The following CACNA1H variants were observed in gnomAD, a reference collection of about 807,000 sequenced individuals.
CACNA1H encodes voltage-dependent T-type calcium channel subunit alpha-1H.
CACNA1H carries 149 observed loss-of-function variants against 192.5 expected under a neutral mutation model. The ratio of observed to expected loss-of-function variants is 0.77; its 90% CI spans 0.68 to 0.89. The LOEUF (loss-of-function observed/expected upper bound fraction) is 0.89. Among genes scored for constraint, CACNA1H ranks in the 40% least tolerant of loss-of-function variants. CACNA1H has a pLI of 0.00. For missense variants in CACNA1H, 4,257 were observed against 3,423.5 expected, an observed-to-expected ratio of 1.24 and a Z score of -6.08; for synonymous variants, 2,202 against 1,475.2, an observed-to-expected ratio of 1.49 and a Z score of -11.29.
At chr16:1,165,009 C>T (rs913409301) in intron 2 of CACNA1H, among the ~76,000 whole-genome samples, 5 of 152,046 alleles carry the variant, frequency 3.3e-5, no homozygotes, top group African/African-American at 7.2e-5. Context: ...GATTTGTCTC[C>T]GTGGGGTTCT....
At chr16:1,178,650 A>C (rs1469107640) in intron 2 of CACNA1H, among the ~76,000 whole-genome samples, 1 of 152,170 alleles carries the variant, frequency 6.6e-6, no homozygotes, top group Non-Finnish European at 1.5e-5. Flanking sequence ...GCCATCCAGC[A>C]GACCAGCATC....
At chr16:1,183,748 G>A (rs74004856) in intron 2 of CACNA1H, among the ~76,000 whole-genome samples, 3,508 of 152,354 alleles carry the variant, frequency 0.023, 168 homozygotes, top group African/African-American at 0.08. Flanking sequence ...TGGGGGGAGC[G>A]TGCAAGAGCA....
chr16:1,200,194 C>G, intron 6 of CACNA1H, 62 bp from the exon 7 acceptor site: 2 of 1,386,618 alleles, frequency 1.4e-6, no homozygotes, highest in Non-Finnish European at 2.0e-6. Context: ...CAATCGTGCC[C>G]CCGACTCTGA....
At chr16:1,189,461 G>A (rs1966393113) in intron 2 of CACNA1H, among the ~76,000 whole-genome samples, 1 of 123,876 alleles carries the variant, frequency 8.1e-6, no homozygotes, top group Admixed American at 1.0e-4. Context: ...CCGTCACCCA[G>A]CCTGGAGTGC....
chr16:1,216,827 G>A (rs1160334729), intron 30 of CACNA1H, 105 bp from the exon 31 acceptor site: 3 of 898,562 alleles, frequency 3.3e-6, no homozygotes, highest in African/African-American at 1.7e-5. Context: ...CCTGGAAGAA[G>A]GTGGGCAGGT....
rs565477632 is a variant in CACNA1H, at chr16:1,211,151, C to G, written c.4224-17C>G. ...GCTGCCATAGATGACTGCAGTGTAT[C>G]CTTCACTCCCCTCCAGGGTCATCAG... On this transcript the variant is annotated splice_polypyrimidine_tract_variant and intron_variant, in intron 21 of 34. Transcript: ENST00000348261. 6.2e-6 allele frequency: 10 copies of G among 1,611,528 alleles called. No individual in the cohort carries two copies. The African/African-American group carries it at 8.0e-5, about 13-fold the overall frequency.
intron 7 of CACNA1H, 33 bp from the exon 8 acceptor site, chr16:1,200,683 G>T (rs201765670): frequency 1.3e-6 from 2 of 1,565,356 alleles, no homozygotes; most frequent in African/African-American, 1.4e-5. Flanking sequence ...AGGAGGGGTC[G>T]TGCGGGCCCA....
rs770983743 is a variant in CACNA1H, at chr16:1,200,768, A to G, written c.1172A>G (p.His391Arg). 2.6e-6 allele frequency: 4 copies of G among 1,554,864 alleles called. No individual in the cohort carries two copies. The highest frequency in any genetic ancestry group is 1.2e-5 in the South Asian group (1 of 84,474). The change falls in exon 8 of 35, where the codon CAC (histidine) becomes CGC (arginine). Residue 391 changes from histidine to arginine, a missense_variant. By Grantham distance (29) the His-to-Arg change is conservative. Coordinates refer to ENST00000348261, the MANE Select transcript of CACNA1H (RefSeq NM_021098.3). ...VDIMYYVMDAHSFYNFIYFIL... is the reference protein window; with the variant it reads ...VDIMYYVMDARSFYNFIYFIL... ...ATCATGTACTACGTCATGGACGCCC[A>G]CTCATTCTACAACTTCATCTATTTC... is the stretch of plus-strand genomic sequence containing the variant.
intron 2 of CACNA1H, among the ~76,000 whole-genome samples, chr16:1,160,902 C>T (rs1404161841): frequency 6.6e-6 from 1 of 152,074 alleles, no homozygotes; most frequent in Non-Finnish European, 1.5e-5. Context: ...GCGCGGCCGG[C>T]GAGGACCGAG....
At chr16:1,158,274 G>C (rs929615773) in intron 2 of CACNA1H, among the ~76,000 whole-genome samples, 4 of 152,290 alleles carry the variant, frequency 2.6e-5, no homozygotes, top group South Asian at 2.1e-4. Context: ...CAGGGCTCAG[G>C]GGGAGGGGCC....
rs1275378306 is a variant in CACNA1H, at chr16:1,201,852, T to C, written c.1402T>C (p.Phe468Leu). 3 of 1,565,236 alleles carry C rather than the reference T, an allele frequency of 1.9e-6. No homozygotes were observed. The highest frequency in any genetic ancestry group is 1.7e-6 in the Non-Finnish European group (2 of 1,155,758). The change falls in exon 9 of 35, where the codon TTC (phenylalanine) becomes CTC (leucine). Residue 468 changes from phenylalanine (F) to leucine (L), a missense_variant. Phe to Leu is a conservative substitution (Grantham distance 22). Transcript: ENST00000348261. ...GCTGCTGAAGTACGTGGGCCACATA[T>C]TCCGCAAGGTCAAGCGGCGCAGCTT... The part of the protein sequence containing the change: ...EELLKYVGHI[F>L]RKVKRRSLRL...
chr16:1,208,287 C>T (rs1262855182), intron 16 of CACNA1H, 66 bp downstream of exon 16: 8 of 1,189,814 alleles, frequency 6.7e-6, no homozygotes, highest in South Asian at 1.3e-5. Flanking sequence ...CTCCTTATGG[C>T]CTTCCCTGAA....
Position 1,210,593 on chromosome 16 carries a change from T to C in CACNA1H, c.3980T>C (p.Phe1327Ser). Residue 1327 changes from phenylalanine to serine, a missense_variant, in exon 20 of 35, where the codon TTC becomes TCC. Phe to Ser is a radical substitution (Grantham distance 155). Coordinates refer to ENST00000348261, the MANE Select transcript of CACNA1H (RefSeq NM_021098.3). ...DIDPGSTERVFLSVSNYIFTA... is the reference protein window; with the variant it reads ...DIDPGSTERVSLSVSNYIFTA... The stretch of plus-strand genomic sequence containing the variant: ...GTCCTCTCCCGGCAGGAGCGGGTCT[T>C]CCTCAGCGTCTCCAATTACATCTTC... 1 of 1,608,662 alleles carries C rather than the reference T, an allele frequency of 6.2e-7. No homozygotes were observed. The highest frequency in any genetic ancestry group is 8.5e-7 in the Non-Finnish European group (1 of 1,179,778).
rs1967716178 is a variant in CACNA1H at position 1,200,468 on chromosome 16, A to G, written c.1016A>G (p.Asn339Ser). The change falls in exon 7 of 35, where the codon AAC becomes AGC. Residue 339 changes from asparagine to serine, a missense_variant. Asn to Ser is a conservative substitution (Grantham distance 46). Transcript: ENST00000348261. ...GVGAARNACI[N>S]WNQYYNVCRS... ...GGCGCTGCACGCAACGCCTGCATCA[A>G]CTGGAACCAGTACTACAACGTGTGC... 1.9e-6 allele frequency: 3 copies of G among 1,612,088 alleles called. No homozygotes were observed. Among genetic ancestry groups the G allele is most frequent in the Non-Finnish European group, 1.7e-6 (2 of 1,179,684 alleles).
chr16:1,196,629 A>G (rs1967009198), intron 5 of CACNA1H, among the ~76,000 whole-genome samples: 1 of 152,186 alleles, frequency 6.6e-6, no homozygotes, highest in Admixed American at 6.5e-5. Flanking sequence ...ATTTTCTAGA[A>G]GGAAGGCTGG....
intron 34 of CACNA1H, among the ~76,000 whole-genome samples, chr16:1,219,739 C>T (rs868280861): frequency 6.6e-6 from 1 of 152,082 alleles, no homozygotes; most frequent in Admixed American, 6.5e-5. Context: ...CCCTGGGGGC[C>T]ATGGCATCTC....
chr16:1,182,983 C>T (rs925508778), intron 2 of CACNA1H, among the ~76,000 whole-genome samples: 3 of 152,082 alleles, frequency 2.0e-5, no homozygotes, highest in Admixed American at 1.3e-4. Flanking sequence ...TGTCCCATCT[C>T]TGGACAACTG....
chr16:1,213,087 C>T (rs1272543536), intron 26 of CACNA1H, among the ~76,000 whole-genome samples: 2 of 152,224 alleles, frequency 1.3e-5, no homozygotes, highest in Non-Finnish European at 2.9e-5. Flanking sequence ...ATTCAGTGCA[C>T]ACCTGCCTGG....
Position 1,198,691 on chromosome 16 carries a change from C to T in CACNA1H, c.720C>T (p.Val240=), listed in dbSNP as rs547570694. ...LGNVLLLCFF[V]FFIFGIVGVQ... ...ACGTCCTTCTGCTGTGCTTCTTCGT[C>T]TTCTTCATTTTCGGCATCGTTGGCG... The change falls in exon 6 of 35, where the codon GTC becomes GTT. Residue 240 remains valine, a synonymous_variant. Coordinates refer to ENST00000348261, the MANE Select transcript of CACNA1H (RefSeq NM_021098.3). 3.1e-6 allele frequency: 5 copies of T among 1,613,544 alleles called. No individual in the cohort carries two copies. In the Admixed American group the frequency reaches 5.0e-5, roughly 16 times the overall value.
Sources: allele counts gnomAD v4.1 joint callset (sites outside exome capture counted in the v4.1 genomes callset), GRCh38; gene constraint gnomAD v4.1.1; transcripts MANE v1.5; gene names NCBI Gene and HGNC (gene_info 2026-07-23, HGNC 2026-07-21).